SLC38A10: variants seen among roughly 807,000 people sequenced by gnomAD.
SLC38A10 encodes solute carrier family 38 member 10, also known as Sodium-coupled neutral amino acid transporter 10.
A neutral mutation model predicts 81.0 loss-of-function variants in SLC38A10; 53 were observed. The observed-to-expected ratio is 0.65, with a 90% CI of 0.53 to 0.82. The LOEUF is 0.82. Ranked by LOEUF, SLC38A10 falls within the 40% of genes least tolerant of loss-of-function variation. The pLI is 0.00. For missense variants in SLC38A10, 1,471 were observed against 1,545.0 expected (o/e 0.95, Z 0.80); for synonymous variants, 665 against 655.3 (o/e 1.01, Z -0.23).
In SLC38A10 at chr17:81,283,450, C is replaced by T. The variant is rs1393770252; in HGVS notation, c.316G>A (p.Asp106Asn). The T allele has an allele frequency of 1.2e-6, 2 of 1,612,458 alleles. No individual in the cohort carries two copies. Among genetic ancestry groups the T allele is most frequent in the Non-Finnish European group, 1.7e-6 (2 of 1,179,302 alleles). The change falls in exon 4 of 16, where the codon GAC (aspartate) becomes AAC (asparagine). Residue 106 changes from aspartate to asparagine, a missense_variant. Coordinates refer to ENST00000374759, the MANE Select transcript of SLC38A10 (RefSeq NM_001037984.3). The surrounding 1 kb of genome is among the most constrained non-coding windows in gnomAD (Gnocchi z 4.7). ...TCIAFYVVIGDLGSNFFARLF... is the reference protein window; with the variant it reads ...TCIAFYVVIGNLGSNFFARLF... ...CGGGCAAAGAAGTTGGACCCCAAGT[C>T]GCCGATCACGACGTAGAAGGCGATG... is the stretch of plus-strand genomic sequence containing the variant.
In SLC38A10 at chr17:81,280,605, T is replaced by C; in HGVS notation, c.626+4A>G. 1.2e-6 allele frequency: 2 copies of C among 1,613,608 alleles called. No homozygotes were observed. The highest frequency in any genetic ancestry group is 1.7e-6 in the Non-Finnish European group (2 of 1,179,846). ...TCCACCACAGACCACAGCAGGACAC[T>C]TACGACTGGCAGGCGAAGGACATGC... On this transcript the variant is annotated splice_donor_region_variant and intron_variant, in intron 6 of 15. Coordinates refer to ENST00000374759, the MANE Select transcript of SLC38A10 (RefSeq NM_001037984.3).
chr17:81,250,403 G>A (rs1287063047), intron 14 of SLC38A10, among the ~76,000 whole-genome samples: 1 of 152,252 alleles, frequency 6.6e-6, no homozygotes, highest in Admixed American at 6.5e-5. Flanking sequence ...TGCTGCACCT[G>A]CCCTCCCTCG....
intron 11 of SLC38A10, among the ~76,000 whole-genome samples, chr17:81,258,373 C>G (rs927780798): frequency 2.0e-5 from 3 of 152,144 alleles, no homozygotes; most frequent in Non-Finnish European, 4.4e-5. Context: ...CTGAGAGGGG[C>G]CATGTGTTTT....
Position 81,289,849 on chromosome 17 carries a change from T to C in SLC38A10, c.100-41A>G. ...AGGAACACATGTTCACAGCAGCAGG[T>C]GCTCCCCAGAGGCCCTCACCCCACA... On this transcript the variant is annotated intron_variant, in intron 1 of 15. Coordinates refer to ENST00000374759, the MANE Select transcript of SLC38A10 (RefSeq NM_001037984.3). The surrounding 1 kb of genome is among the most constrained non-coding windows in gnomAD (Gnocchi z 5.9). 2 of 1,509,220 alleles carry C rather than the reference T, an allele frequency of 1.3e-6. No homozygotes were observed. Among genetic ancestry groups the C allele is most frequent in the East Asian group, 2.5e-5 (1 of 39,700 alleles). The allele number at this position is 1,509,220 out of a possible 1,614,324, so 93.5% of individuals were successfully genotyped here. A position where few individuals can be genotyped will look rare whatever the true frequency, so the allele number is the denominator to read the frequency against.
At chr17:81,284,721 T>C in intron 3 of SLC38A10, 129 bp downstream of exon 3, 1 of 675,338 alleles carries the variant, frequency 1.5e-6, no homozygotes, top group Non-Finnish European at 2.4e-6. Context: ...GACTTTCATG[T>C]ATTTAGCGAC....
chr17:81,281,860 C>A lies in SLC38A10; in HGVS notation c.501+329G>T, dbSNP rs546668232. Among the ~76,000 whole-genome samples, 1 of 152,224 alleles carries A rather than the reference C, an allele frequency of 6.6e-6. No homozygotes were observed. The highest frequency in any genetic ancestry group is 1.5e-5 in the Non-Finnish European group (1 of 68,044). On this transcript the variant is annotated intron_variant, in intron 5 of 15. Coordinates refer to ENST00000374759, the MANE Select transcript of SLC38A10 (RefSeq NM_001037984.3). This position sits in a 1 kb window ranked among gnomAD's most constrained non-coding sequence, Gnocchi z 5.3. ...CCGTGAGCCTTGGTCACAAACCCTACATAAGACATCTTTGCATAAAGCAAG... is the reference window on the plus strand; with the variant it reads ...CCGTGAGCCTTGGTCACAAACCCTAAATAAGACATCTTTGCATAAAGCAAG...
At chr17:81,293,977 TG>T (rs1262875747) in intron 1 of SLC38A10, among the ~76,000 whole-genome samples, 1 of 152,164 alleles carries the variant, frequency 6.6e-6, no homozygotes, top group Admixed American at 6.5e-5. Context: ...TTTTTCCAAC[TG>T]TGGTAACGTC....
At chr17:81,274,711 G>C (rs183597269) in intron 8 of SLC38A10, among the ~76,000 whole-genome samples, 2 of 151,512 alleles carry the variant, frequency 1.3e-5, no homozygotes, top group African/African-American at 2.4e-5. Flanking sequence ...TCACTCTGCC[G>C]CAAGGAGAGA....
At chr17:81,251,387 G>A (rs1307070537) in intron 14 of SLC38A10, 106 bp downstream of exon 14, 21 of 1,612,146 alleles carry the variant, frequency 1.3e-5, no homozygotes, top group Non-Finnish European at 1.7e-5. Flanking sequence ...AGAGAAGGGG[G>A]GCCTGGCAGG....
At position 81,252,384 on chromosome 17, in the gene SLC38A10, G is replaced by C. The variant is rs1299070033; in HGVS notation, c.1756C>G (p.Gln586Glu). 6.2e-7 allele frequency: 1 copy of C among 1,613,060 alleles called. No individual in the cohort carries two copies. Among genetic ancestry groups the C allele is most frequent in the African/African-American group, 1.3e-5 (1 of 74,946 alleles). ...DPQKVPEADG[Q>E]PAVQPAKEDL... ...TCCTTTGCAGGCTGGACAGCTGGCT[G>C]ACCATCTGCTTCTGGAACTTTCTGG... is the stretch of plus-strand genomic sequence containing the variant. Residue 586 changes from glutamine to glutamate, a missense_variant, in exon 13 of 16, where the codon CAG (glutamine) becomes GAG (glutamate). Physicochemically the swap from Gln to Glu is conservative, Grantham distance 29 (BLOSUM62 2). Coordinates refer to ENST00000374759, the MANE Select transcript of SLC38A10 (RefSeq NM_001037984.3).
chr17:81,283,831 G>C lies in SLC38A10; in HGVS notation c.264-329C>G, dbSNP rs568729947. 6.6e-6 allele frequency among the ~76,000 whole-genome samples: 1 copy of C among 151,310 alleles called. No homozygotes were observed. The highest frequency in any genetic ancestry group is 1.5e-5 in the Non-Finnish European group (1 of 67,792). ...GCACCGTGTTAGCCAGGATGGTCTC[G>C]ATCTCCTGACCTCTGTGATCCGCCT... On this transcript the variant is annotated intron_variant, in intron 3 of 15. Coordinates refer to ENST00000374759, the MANE Select transcript of SLC38A10 (RefSeq NM_001037984.3). The surrounding 1 kb of genome is among the most constrained non-coding windows in gnomAD (Gnocchi z 4.7).
rs757296447 is a variant in SLC38A10, at chr17:81,252,523, C to T, written c.1617G>A (p.Ala539=). Reference sequence around the variant, plus strand: ...CTCTTTCTGAGTCGGGCAGAGGCGGCGCCATCTGGCCCTGGACCCCTGGAG... The same window carrying T: ...CTCTTTCTGAGTCGGGCAGAGGCGGTGCCATCTGGCCCTGGACCCCTGGAG... ...GKAPGVQGQM[A]PPLPDSEREK... is the part of the protein sequence containing the mutation. Residue 539 remains alanine, a synonymous_variant, in exon 13 of 16, where the codon GCG becomes GCA. Transcript: ENST00000374759. The T allele has an allele frequency of 5.6e-5, 90 of 1,613,180 alleles. No homozygotes were observed. Among genetic ancestry groups the T allele is most frequent in the Non-Finnish European group, 7.6e-5 (90 of 1,180,032 alleles).
intron 11 of SLC38A10, among the ~76,000 whole-genome samples, chr17:81,257,439 C>G (rs2062983036): frequency 6.6e-6 from 1 of 152,274 alleles, no homozygotes; most frequent in African/African-American, 2.4e-5. Flanking sequence ...CCCCGCGCCT[C>G]TCCTCCTCTT....
intron 15 of SLC38A10, 83 bp downstream of exon 15, chr17:81,246,802 C>T: frequency 6.6e-7 from 1 of 1,511,906 alleles, no homozygotes. Flanking sequence ...CTAGAGGCCA[C>T]CGAGCCTCAG....
chr17:81,278,154 C>T (rs539959625), intron 6 of SLC38A10, among the ~76,000 whole-genome samples: 146 of 150,736 alleles, frequency 9.7e-4, no homozygotes, highest in African/African-American at 3.3e-3. Context: ...ACCAGCACAG[C>T]GGCCAGCGGA....
chr17:81,279,246 G>A (rs1389815064), intron 6 of SLC38A10, among the ~76,000 whole-genome samples: 1 of 152,212 alleles, frequency 6.6e-6, no homozygotes. Flanking sequence ...CTGGGCCTAG[G>A]ACAACCATTC....
intron 14 of SLC38A10, 196 bp downstream of exon 14, chr17:81,251,297 A>G (rs1358118842): frequency 3.1e-6 from 5 of 1,612,892 alleles, no homozygotes; most frequent in Non-Finnish European, 4.2e-6. Flanking sequence ...TAAGGCAGAT[A>G]AAAGGTTCCC....
rs771596111 is a variant in SLC38A10, at chr17:81,245,809, T to C, written c.3107A>G (p.Lys1036Arg). The C allele has an allele frequency of 1.2e-6, 2 of 1,608,582 alleles. No homozygotes were observed. The highest frequency in any genetic ancestry group is 3.3e-5 in the Admixed American group (2 of 59,866). The change falls in exon 16 of 16, where the codon AAG (lysine) becomes AGG (arginine). Residue 1036 changes from lysine to arginine, a missense_variant. Lys to Arg is a conservative substitution (Grantham distance 26). This residue lies in a region of SLC38A10 where 751 missense variants were observed against 717.4 expected (regional missense o/e 1.05). Coordinates refer to ENST00000374759, the MANE Select transcript of SLC38A10 (RefSeq NM_001037984.3). Reference protein sequence around the residue: ...VPGGQRPDNAKPNRDLKLQAG... With the variant: ...VPGGQRPDNARPNRDLKLQAG... ...CTGCAGTTTCAGGTCCCGGTTGGGC[T>C]TGGCATTGTCCGGCCTCTGGCCCCC...
intron 2 of SLC38A10, chr17:81,285,769 C>T (rs1162779615): frequency 6.6e-6 from 1 of 152,270 alleles, no homozygotes; most frequent in Non-Finnish European, 1.5e-5. Flanking sequence ...TGGTTTCCTT[C>T]CTCCCACGGG....
Sources: allele counts gnomAD v4.1 joint callset (sites outside exome capture counted in the v4.1 genomes callset), GRCh38; gene constraint gnomAD v4.1.1; regional missense constraint gnomAD v4.1.1; non-coding constraint Gnocchi (gnomAD v3.1); transcripts MANE v1.5; gene names NCBI Gene and HGNC (gene_info 2026-07-23, HGNC 2026-07-21).